The following SGO2 variants were observed in gnomAD, a reference collection of about 807,000 sequenced individuals.
SGO2 encodes shugoshin 2, also known as shugoshin-like 2.
In SGO2, 68 loss-of-function variants were observed where a neutral mutation model predicts 99.5. The observed-to-expected ratio is 0.68, with a 90% CI of 0.56 to 0.84. The LOEUF (loss-of-function observed/expected upper bound fraction) is 0.84, where lower values mean the gene tolerates loss of function less well. Among genes scored for constraint, SGO2 ranks in the 40% least tolerant of loss-of-function variants. SGO2 has a pLI of 0.00. For missense variants in SGO2, 1,350 were observed against 1,436.7 expected (o/e 0.94, Z 0.97); for synonymous variants, 457 against 487.1 (o/e 0.94, Z 0.81).
At chr2:200,581,131 C>G (rs953427962) in intron 8 of SGO2, among the ~76,000 whole-genome samples, 25 of 151,916 alleles carry the variant, frequency 1.6e-4, no homozygotes, top group African/African-American at 4.6e-4. Flanking sequence ...TCTTTGTGAC[C>G]TACTATAGGA....
Position 200,572,874 on chromosome 2 carries a change from C to T in SGO2, c.2528C>T (p.Ser843Phe). The T allele has an allele frequency of 6.3e-7, 1 of 1,595,366 alleles. No homozygotes were observed. Among genetic ancestry groups the T allele is most frequent in the Non-Finnish European group, 8.5e-7 (1 of 1,174,228 alleles). The change falls in exon 7 of 9, where the codon TCT (serine) becomes TTT (phenylalanine). Residue 843 changes from serine (S) to phenylalanine (F), a missense_variant. Coordinates refer to ENST00000357799, the MANE Select transcript of SGO2 (RefSeq NM_152524.6). ...GACCTAGAAAAAGATAACTTCTTCT[C>T]TCTAACCCCAAAGGATAAAGAAACA... ...VHDLEKDNFFSLTPKDKETIS... is the reference protein window; with the variant it reads ...VHDLEKDNFFFLTPKDKETIS...
intron 3 of SGO2, 125 bp downstream of exon 3, chr2:200,535,296 C>A: frequency 1.2e-6 from 1 of 806,250 alleles, no homozygotes; most frequent in Non-Finnish European, 1.8e-6. Context: ...GTCAGTATAC[C>A]ATGTAAGTCT....
At chr2:200,565,276 G>A (rs2033142224) in intron 5 of SGO2, among the ~76,000 whole-genome samples, 1 of 152,146 alleles carries the variant, frequency 6.6e-6, no homozygotes, top group Non-Finnish European at 1.5e-5. Context: ...AAATCGCTCA[G>A]TATTTGCTTG....
At chr2:200,581,459 G>A (rs1384687243) in intron 8 of SGO2, among the ~76,000 whole-genome samples, 1 of 151,924 alleles carries the variant, frequency 6.6e-6, no homozygotes. Context: ...TATTAAAAAT[G>A]TCCTCATTTG....
In SGO2 at chr2:200,576,660, T is replaced by C. The variant is rs1215933193; in HGVS notation, c.3782+1199T>C. On this transcript the variant is annotated intron_variant, in intron 8 of 8. Transcript: ENST00000357799. ...CATTACCAGAGTCAATTTTAGAACA[T>C]TTCTTTACTTAAAAAGAAACCCTGT... Among the ~76,000 whole-genome samples the C allele has an allele frequency of 3.9e-5, 6 of 152,234 alleles. No individual in the cohort carries two copies. In the East Asian group the frequency reaches 1.2e-3, roughly 29 times the overall value.
intron 5 of SGO2, among the ~76,000 whole-genome samples, chr2:200,559,424 T>C (rs771083303): frequency 6.6e-6 from 1 of 152,138 alleles, no homozygotes; most frequent in African/African-American, 2.4e-5. Context: ...TTCTATTTCA[T>C]TGATTCTGCT....
intron 5 of SGO2, among the ~76,000 whole-genome samples, chr2:200,562,137 T>G (rs2032997971): frequency 6.6e-6 from 1 of 152,220 alleles, no homozygotes; most frequent in Non-Finnish European, 1.5e-5. Context: ...TGCCCATGCC[T>G]GTGGCCTGAA....
chr2:200,541,705 C>T (rs1574842320), intron 4 of SGO2, among the ~76,000 whole-genome samples: 2 of 152,208 alleles, frequency 1.3e-5, no homozygotes, highest in East Asian at 3.8e-4. Context: ...GGGATGTGCT[C>T]TTTAACACTG....
chr2:200,567,683 T>C (rs992077264), intron 5 of SGO2, among the ~76,000 whole-genome samples: 2 of 152,246 alleles, frequency 1.3e-5, no homozygotes, highest in Admixed American at 1.3e-4. Flanking sequence ...ATTTTGGATA[T>C]TTCATATGAA....
chr2:200,532,884 A>AGTCATGATT, intron 1 of SGO2, 90 bp from the exon 2 acceptor site: 1 of 1,285,482 alleles, frequency 7.8e-7, no homozygotes, highest in Non-Finnish European at 1.1e-6. Context: ...AAGTATATTA[A>AGTCATGATT]GTCATGATTG....
chr2:200,532,281 T>G (rs572057712), intron 1 of SGO2: 5,764 of 410,568 alleles, frequency 0.014, 434 homozygotes, highest in African/African-American at 0.13. Flanking sequence ...TGTTTTTTTT[T>G]TTGTTTTTTT....
chr2:200,546,278 A>G (rs1218926489), intron 5 of SGO2, among the ~76,000 whole-genome samples: 1 of 145,754 alleles, frequency 6.9e-6, no homozygotes, highest in Non-Finnish European at 1.5e-5. Context: ...ACGTGAACCC[A>G]GAAGGCGGAG....
chr2:200,580,512 T>A, intron 8 of SGO2: 2 of 437,722 alleles, frequency 4.6e-6, no homozygotes, highest in South Asian at 3.3e-5. Flanking sequence ...AAATTTATTG[T>A]TTTTATTCTT....
Position 200,572,989 on chromosome 2 carries a change from G to T in SGO2, c.2643G>T (p.Gln881His). ...DNGNLCDYDT[Q>H]NILELKKYVT... is the part of the protein sequence containing the mutation. ...GAAATTTATGTGATTATGACACCCA[G>T]AATATATTGGAGTTGAAAAAGTATG... Residue 881 changes from glutamine to histidine, a missense_variant, in exon 7 of 9, where the codon CAG becomes CAT. Physicochemically the swap from Gln to His is conservative, Grantham distance 24 (BLOSUM62 0). Transcript: ENST00000357799. The T allele has an allele frequency of 6.3e-7, 1 of 1,584,138 alleles. No individual in the cohort carries two copies. Among genetic ancestry groups the T allele is most frequent in the Non-Finnish European group, 8.5e-7 (1 of 1,169,952 alleles).
At chr2:200,539,194 T>TG (rs991729409) in intron 4 of SGO2, among the ~76,000 whole-genome samples, 1 of 152,140 alleles carries the variant, frequency 6.6e-6, no homozygotes, top group African/African-American at 2.4e-5. Context: ...CTGTGGATAT[T>TG]GGTCCCCTTA....
At chr2:200,537,717 A>T (rs1411992124) in intron 4 of SGO2, among the ~76,000 whole-genome samples, 1 of 152,086 alleles carries the variant, frequency 6.6e-6, no homozygotes, top group Non-Finnish European at 1.5e-5. Context: ...GGTTTTAATT[A>T]CTGCTATACA....
chr2:200,558,580 T>A (rs1367911299), intron 5 of SGO2, among the ~76,000 whole-genome samples: 1 of 152,180 alleles, frequency 6.6e-6, no homozygotes, highest in Non-Finnish European at 1.5e-5. Context: ...TGCATCATTT[T>A]ACATCATTGT....
intron 5 of SGO2, among the ~76,000 whole-genome samples, chr2:200,546,556 G>A (rs1281719268): frequency 1.3e-5 from 2 of 152,002 alleles, no homozygotes; most frequent in Admixed American, 6.5e-5. Flanking sequence ...TGATGAAGTG[G>A]CAGTTTGTGA....
intron 5 of SGO2, 113 bp from the exon 6 acceptor site, chr2:200,569,550 T>C: frequency 1.3e-6 from 1 of 752,356 alleles, no homozygotes; most frequent in Non-Finnish European, 2.1e-6. Flanking sequence ...CTTGAAAAAG[T>C]ACCAGGTGGA....
Sources: gnomAD v4.1 joint callset for allele counts (sites outside exome capture counted in the v4.1 genomes callset) on GRCh38, gnomAD v4.1.1 for gene constraint, MANE v1.5 for transcripts, NCBI Gene and HGNC (gene_info 2026-07-23, HGNC 2026-07-21) for gene names.